Variants in URI1 observed in about 807,000 individuals in gnomAD.
URI1 encodes the protein URI1 prefoldin like chaperone, also known as unconventional prefoldin RPB5 interactor 1.
URI1 carries 39 observed loss-of-function variants against 60.2 expected under a neutral mutation model. That is an observed-to-expected ratio of 0.65 (90% CI 0.50 to 0.85). URI1 has a LOEUF of 0.85. Ranked by LOEUF, URI1 falls within the 40% of genes least tolerant of loss-of-function variation. The pLI is 0.00. For synonymous variants in URI1, 251 were observed against 236.8 expected, an observed-to-expected ratio of 1.06 and a Z score of -0.55; for missense variants, 691 against 665.9, an observed-to-expected ratio of 1.04 and a Z score of -0.42.
intron 1 of URI1, among the ~76,000 whole-genome samples, chr19:29,949,376 A>G (rs1348051444): frequency 6.6e-6 from 1 of 150,556 alleles, no homozygotes; most frequent in South Asian, 2.1e-4. Context: ...GACGCTCCTC[A>G]CTTCCTAGAC....
intron 1 of URI1, among the ~76,000 whole-genome samples, chr19:29,968,084 A>G (rs1267789161): frequency 6.6e-6 from 1 of 152,202 alleles, no homozygotes; most frequent in South Asian, 2.1e-4. Flanking sequence ...TTTACTGTGG[A>G]CTTACTGCTG....
chr19:29,927,560 C>CTTTTTTTTTTTTTTTTTTTT lies in URI1; in HGVS notation c.63+3813_63+3832dup, dbSNP rs3049080. ...TACAAGCATGAGCCACTGCACCCGG[C>CTTTTTTTTTTTTTTTTTTTT]TTTTTTTTTTTTTTTTTTTTTTTTT... On this transcript the variant is annotated intron_variant, in intron 1 of 10. Transcript: ENST00000360605. Among the ~76,000 whole-genome samples, 4 of 39,812 alleles carry CTTTTTTTTTTTTTTTTTTTT rather than the reference C, an allele frequency of 1.0e-4. 1 individual carries two copies. Among genetic ancestry groups the CTTTTTTTTTTTTTTTTTTTT allele is most frequent in the African/African-American group, 5.1e-4 (4 of 7,840 alleles). The allele number at this position is 39,812 out of a possible 152,430, so 26.1% of individuals were successfully genotyped here. A position where few individuals can be genotyped will look rare whatever the true frequency, so the allele number is the denominator to read the frequency against.
intron 2 of URI1, among the ~76,000 whole-genome samples, chr19:29,983,978 T>G (rs1042297461): frequency 1.3e-5 from 2 of 152,194 alleles, no homozygotes; most frequent in African/African-American, 4.8e-5. Context: ...GTTGATTCTC[T>G]CTTACCTTAA....
chr19:29,927,559 G>GTTTTTTTTTT (rs1172546783), intron 1 of URI1, among the ~76,000 whole-genome samples: 1 of 86,496 alleles, frequency 1.2e-5, no homozygotes, highest in African/African-American at 6.2e-5. Context: ...ACTGCACCCG[G>GTTTTTTTTTT]CTTTTTTTTT....
chr19:29,981,516 C>G (rs369206862), intron 2 of URI1, among the ~76,000 whole-genome samples: 2 of 151,588 alleles, frequency 1.3e-5, no homozygotes, highest in East Asian at 3.9e-4. Flanking sequence ...ACAAAAGGTA[C>G]TCTCAAAAGG....
intron 4 of URI1, among the ~76,000 whole-genome samples, chr19:30,001,330 T>A (rs2055875815): frequency 2.0e-5 from 3 of 151,902 alleles, no homozygotes; most frequent in Non-Finnish European, 4.4e-5. Context: ...TTTTTTAAAT[T>A]GAGCAATCTT....
At chr19:29,949,050 G>A (rs1364194344) in intron 1 of URI1, among the ~76,000 whole-genome samples, 7 of 146,706 alleles carry the variant, frequency 4.8e-5, no homozygotes, top group African/African-American at 1.8e-4. Flanking sequence ...GGCCGGGCGG[G>A]GGCTGCCCCC....
chr19:29,964,539 A>G (rs2055368162), intron 1 of URI1, among the ~76,000 whole-genome samples: 1 of 141,628 alleles, frequency 7.1e-6, no homozygotes, highest in Non-Finnish European at 1.5e-5. Context: ...ACCTTGGCTC[A>G]CTGCAACCTC....
chr19:30,000,958 C>G (rs2055870805), intron 4 of URI1, among the ~76,000 whole-genome samples: 1 of 151,826 alleles, frequency 6.6e-6, no homozygotes, highest in Non-Finnish European at 1.5e-5. Context: ...TTTTCCTGTA[C>G]ATAGTTTCAT....
chr19:29,991,835 AG>A (rs1487074696), intron 4 of URI1, among the ~76,000 whole-genome samples: 2 of 152,220 alleles, frequency 1.3e-5, no homozygotes, highest in Admixed American at 1.3e-4. Context: ...AATTTTGTCC[AG>A]TGTATTTTCT....
intron 4 of URI1, among the ~76,000 whole-genome samples, chr19:30,003,784 T>C (rs960423587): frequency 6.6e-6 from 1 of 152,060 alleles, no homozygotes; most frequent in African/African-American, 2.4e-5. Context: ...AAAATGTACT[T>C]AGCTTACCTA....
rs200928000 is a variant in URI1 at position 29,942,649 on chromosome 19, C to G, written c.102C>G (p.Arg34=). ...PLRAPDVARL[R]EEQEKVVTNC... is the part of the protein sequence containing the mutation. ...GCGCCCCGGATGTGGCGCGGCTGCG[C>G]GAGGAGCAGGAAAAGGTAACTAGCA... Residue 34 remains arginine, a synonymous_variant, in exon 1 of 11, where the codon CGC becomes CGG. Coordinates refer to ENST00000392271, the MANE Select transcript of URI1 (RefSeq NM_003796.3). 15,474 of 1,448,452 alleles carry G rather than the reference C, an allele frequency of 0.011. 90 individuals carry two copies. The highest frequency in any genetic ancestry group is 0.012 in the Non-Finnish European group (13,029 of 1,101,202). The allele number at this position is 1,448,452 out of a possible 1,614,324, so 89.7% of individuals were successfully genotyped here. A position where few individuals can be genotyped will look rare whatever the true frequency, so the allele number is the denominator to read the frequency against.
At chr19:30,006,836 C>T (rs1310784665) in intron 6 of URI1, among the ~76,000 whole-genome samples, 1 of 152,070 alleles carries the variant, frequency 6.6e-6, no homozygotes, top group African/African-American at 2.4e-5. Flanking sequence ...GCAGATACCT[C>T]TGAGTTCAGA....
At chr19:29,952,443 T>C (rs1387134404) in intron 1 of URI1, among the ~76,000 whole-genome samples, 1 of 152,228 alleles carries the variant, frequency 6.6e-6, no homozygotes, top group African/African-American at 2.4e-5. Flanking sequence ...TTTTTCCTTA[T>C]TCTAATCAGT....
At chr19:29,980,543 C>T (rs2055579955) in intron 2 of URI1, among the ~76,000 whole-genome samples, 1 of 138,846 alleles carries the variant, frequency 7.2e-6, no homozygotes, top group African/African-American at 2.7e-5. Flanking sequence ...AGGCATCTCA[C>T]AGTATTTTCT....
chr19:30,007,447 C>T (rs1599724197), intron 6 of URI1, 23 bp from the exon 7 acceptor site: 3 of 1,608,728 alleles, frequency 1.9e-6, no homozygotes, highest in East Asian at 2.2e-5. Context: ...TTAACAGCCA[C>T]GTCTTTTCCT....
chr19:29,953,161 T>G (rs901831742), intron 1 of URI1, among the ~76,000 whole-genome samples: 3 of 152,216 alleles, frequency 2.0e-5, no homozygotes, highest in Admixed American at 1.3e-4. Flanking sequence ...ATCACGAGTG[T>G]CTTTCTGCGC....
intron 1 of URI1, among the ~76,000 whole-genome samples, chr19:29,949,617 A>G (rs2055152377): frequency 6.6e-6 from 1 of 152,210 alleles, no homozygotes; most frequent in African/African-American, 2.4e-5. Context: ...CAGCCTGGGC[A>G]ACATTGAGCA....
chr19:29,994,043 AGTGAATAACC>A (rs2055779888), intron 4 of URI1, among the ~76,000 whole-genome samples: 1 of 150,636 alleles, frequency 6.6e-6, no homozygotes, highest in African/African-American at 2.5e-5. Context: ...TCAATGCTGC[AGTGAATAACC>A]TCTGTGTGTA....
Sources: allele counts gnomAD v4.1 joint callset (sites outside exome capture counted in the v4.1 genomes callset), GRCh38; gene constraint gnomAD v4.1.1; transcripts MANE v1.5; gene names NCBI Gene and HGNC (gene_info 2026-07-23, HGNC 2026-07-21).